Variants in FBXL17 observed in about 807,000 individuals in gnomAD.
FBXL17 encodes the protein F-box and leucine rich repeat protein 17, also known as F-box/LRR-repeat protein 17.
Under a neutral mutation model 66.2 loss-of-function variants are expected in FBXL17, and 22 were observed. The ratio of observed to expected loss-of-function variants is 0.33; its 90% confidence interval spans 0.24 to 0.47. The LOEUF is 0.47. Ranked by LOEUF, FBXL17 falls within the 20% of genes least tolerant of loss-of-function variation. The pLI, the probability that FBXL17 is intolerant of heterozygous loss-of-function variation, is 1.00. For missense variants in FBXL17, 878 were observed against 948.2 expected, an observed-to-expected ratio of 0.93 and a Z score of 0.97; for synonymous variants, 474 against 400.5, an observed-to-expected ratio of 1.18 and a Z score of -2.19.
chr5:107,975,671 G>A (rs961083420), intron 7 of FBXL17, among the ~76,000 whole-genome samples: 2 of 152,014 alleles, frequency 1.3e-5, no homozygotes, highest in Non-Finnish European at 2.9e-5. Flanking sequence ...ATGGCATTAG[G>A]ATTAGCATAA....
At chr5:107,904,922 C>T (rs1749702587) in intron 7 of FBXL17, among the ~76,000 whole-genome samples, 1 of 151,786 alleles carries the variant, frequency 6.6e-6, no homozygotes, top group Admixed American at 6.6e-5. Context: ...TCCCTCATTT[C>T]CAGGGGTGAA....
At chr5:108,295,964 C>CAA (rs60118717) in intron 4 of FBXL17, among the ~76,000 whole-genome samples, 146 of 111,656 alleles carry the variant, frequency 1.3e-3, no homozygotes, top group Middle Eastern at 4.4e-3. Flanking sequence ...TAAACAAAAC[C>CAA]AAAAAAAAAA....
intron 7 of FBXL17, among the ~76,000 whole-genome samples, chr5:107,897,974 C>T (rs1379231477): frequency 6.6e-6 from 1 of 152,018 alleles, no homozygotes; most frequent in East Asian, 1.9e-4. Context: ...AGGATCTGAT[C>T]TTGGGGAAAT....
chr5:108,253,853 C>T (rs1756462461), intron 4 of FBXL17, among the ~76,000 whole-genome samples: 2 of 151,930 alleles, frequency 1.3e-5, no homozygotes, highest in Admixed American at 1.3e-4. Flanking sequence ...ATTAGCCAGG[C>T]ATGGTGGTGG....
At chr5:108,214,368 C>CTT (rs70996986) in intron 5 of FBXL17, among the ~76,000 whole-genome samples, 13 of 129,672 alleles carry the variant, frequency 1.0e-4, no homozygotes, top group East Asian at 2.2e-4. Flanking sequence ...TATTAATTGA[C>CTT]TTTTTTTTTT....
At chr5:108,266,384 C>T (rs909981206) in intron 4 of FBXL17, among the ~76,000 whole-genome samples, 3 of 152,060 alleles carry the variant, frequency 2.0e-5, no homozygotes, top group Non-Finnish European at 4.4e-5. Context: ...TTGTGCCATC[C>T]TGCTCTATTC....
chr5:107,864,720 C>T (rs1426268027), intron 8 of FBXL17, among the ~76,000 whole-genome samples: 1 of 152,176 alleles, frequency 6.6e-6, no homozygotes, highest in Non-Finnish European at 1.5e-5. Context: ...TGCTCCCCTT[C>T]GCCTTCCACC....
intron 4 of FBXL17, among the ~76,000 whole-genome samples, chr5:108,268,683 C>T (rs574938349): frequency 1.3e-5 from 2 of 152,028 alleles, no homozygotes; most frequent in Non-Finnish European, 2.9e-5. Context: ...TTACATACTA[C>T]TCAAAAGAGG....
chr5:107,923,534 A>T (rs186870539), intron 7 of FBXL17, among the ~76,000 whole-genome samples: 69 of 152,280 alleles, frequency 4.5e-4, no homozygotes, highest in Non-Finnish European at 7.8e-4. Flanking sequence ...TCTCCTGTCC[A>T]TCTTCTCAAG....
intron 7 of FBXL17, among the ~76,000 whole-genome samples, chr5:107,897,107 T>C (rs995091556): frequency 6.6e-6 from 1 of 151,954 alleles, no homozygotes; most frequent in African/African-American, 2.4e-5. Flanking sequence ...ACTAAGATAA[T>C]AGGAGAAGCA....
At chr5:108,062,714 T>C (rs1747971698) in intron 6 of FBXL17, among the ~76,000 whole-genome samples, 1 of 152,146 alleles carries the variant, frequency 6.6e-6, no homozygotes. Flanking sequence ...ATTTTTCTTG[T>C]ATTTATTTCA....
intron 4 of FBXL17, among the ~76,000 whole-genome samples, chr5:108,274,462 T>C (rs955482708): frequency 6.6e-6 from 1 of 152,242 alleles, no homozygotes; most frequent in Non-Finnish European, 1.5e-5. Context: ...TCTTGTTTCC[T>C]GAACGTTGCT....
chr5:108,062,788 A>T (rs976020406), intron 6 of FBXL17, among the ~76,000 whole-genome samples: 2 of 152,166 alleles, frequency 1.3e-5, no homozygotes, highest in Non-Finnish European at 2.9e-5. Flanking sequence ...GTATCAGAAG[A>T]AGTAACTGCA....
chr5:108,041,098 A>G (rs1303257490), intron 6 of FBXL17, among the ~76,000 whole-genome samples: 1 of 152,232 alleles, frequency 6.6e-6, no homozygotes, highest in East Asian at 1.9e-4. Context: ...TAAATGATGT[A>G]ATATATGTAC....
Position 107,929,977 on chromosome 5 carries a change from A to C in FBXL17, c.1823-48798T>G, listed in dbSNP as rs535093384. On this transcript the variant is annotated intron_variant, in intron 7 of 8. Transcript: ENST00000542267. ...TAAATTCCAGAAGAAAATCTAATGA[A>C]CCATGAATCCATTCACTTTTGTCCA... Among the ~76,000 whole-genome samples the C allele has an allele frequency of 1.8e-4, 28 of 152,282 alleles. 1 individual carries two copies. The South Asian group carries it at 5.8e-3, about 32-fold the overall frequency.
intron 6 of FBXL17, among the ~76,000 whole-genome samples, chr5:108,077,051 C>A (rs1423429580): frequency 6.6e-6 from 1 of 152,132 alleles, no homozygotes; most frequent in Admixed American, 6.5e-5. Flanking sequence ...GGTCCAGGAA[C>A]CTCAAGTTAT....
intron 7 of FBXL17, among the ~76,000 whole-genome samples, chr5:108,011,396 TA>T (rs1376633659): frequency 3.9e-5 from 6 of 152,124 alleles, no homozygotes; most frequent in African/African-American, 1.4e-4. Context: ...TCTCGGAAAA[TA>T]AGGAACACTA....
intron 5 of FBXL17, among the ~76,000 whole-genome samples, chr5:108,202,339 T>G (rs750172957): frequency 6.6e-6 from 1 of 151,974 alleles, no homozygotes; most frequent in East Asian, 1.9e-4. Context: ...ACAACTAGAG[T>G]GTAAGTAATA....
At chr5:108,306,978 CCT>C (rs1758871480) in intron 4 of FBXL17, among the ~76,000 whole-genome samples, 1 of 152,128 alleles carries the variant, frequency 6.6e-6, no homozygotes, top group South Asian at 2.1e-4. Flanking sequence ...TCTTACACTT[CCT>C]CTCTTTTTTA....
Sources: allele counts gnomAD v4.1 joint callset (sites outside exome capture counted in the v4.1 genomes callset), GRCh38; gene constraint gnomAD v4.1.1; transcripts MANE v1.5; gene names NCBI Gene and HGNC (gene_info 2026-07-23, HGNC 2026-07-21).